NAV3: variants seen among roughly 807,000 people sequenced by gnomAD.
NAV3 encodes the protein pore membrane and/or filament interacting like protein 1.
Under a neutral mutation model 244.7 loss-of-function variants are expected in NAV3, and 87 were observed. The observed-to-expected ratio is 0.36, with a 90% CI of 0.30 to 0.42. The LOEUF is 0.42. NAV3 is among the 20% of genes least tolerant of loss of function. The probability of loss-of-function intolerance (pLI) is 1.00; values close to 1 mark genes in which losing one functional copy is unlikely to be tolerated. For synonymous variants in NAV3, 1,126 were observed against 1,042.2 expected (o/e 1.08, Z -1.55); for missense variants, 2,663 against 2,893.3 (o/e 0.92, Z 1.83).
chr12:78,116,743 T>G (rs1424803294), intron 12 of NAV3, 29 bp from the exon 13 acceptor site: 1 of 1,545,400 alleles, frequency 6.5e-7, no homozygotes, highest in African/African-American at 1.4e-5. Context: ...CTGTGTTTGA[T>G]TCACTGCTCT....
chr12:77,740,369 C>T (rs1426466696), intron 2 of NAV3, among the ~76,000 whole-genome samples: 1 of 151,396 alleles, frequency 6.6e-6, no homozygotes, highest in African/African-American at 2.4e-5. Context: ...TGATATGCAA[C>T]AGAGAAAAGG....
chr12:78,139,686 C>T (rs190787007), intron 19 of NAV3, among the ~76,000 whole-genome samples: 8 of 151,842 alleles, frequency 5.3e-5, no homozygotes, highest in Admixed American at 2.6e-4. Flanking sequence ...AAAGCCAGTG[C>T]GACATTTCCA....
chr12:78,004,156 ATCTT>A (rs963276625), intron 7 of NAV3, among the ~76,000 whole-genome samples: 3 of 152,214 alleles, frequency 2.0e-5, no homozygotes, highest in Non-Finnish European at 4.4e-5. Context: ...AAAACAAATT[ATCTT>A]TCTAAGTTTT....
At chr12:78,080,911 A>T (rs1953312608) in intron 12 of NAV3, among the ~76,000 whole-genome samples, 1 of 152,220 alleles carries the variant, frequency 6.6e-6, no homozygotes, top group Non-Finnish European at 1.5e-5. Context: ...GCATTTGATA[A>T]TAACAAGTAG....
intron 2 of NAV3, among the ~76,000 whole-genome samples, chr12:77,712,973 C>A (rs1234523840): frequency 6.6e-6 from 1 of 152,140 alleles, no homozygotes; most frequent in Non-Finnish European, 1.5e-5. Flanking sequence ...ATGACTGCAG[C>A]ACTCACAGCC....
intron 12 of NAV3, among the ~76,000 whole-genome samples, chr12:78,089,813 A>G (rs1046044984): frequency 2.6e-5 from 4 of 152,112 alleles, no homozygotes; most frequent in Non-Finnish European, 5.9e-5. Context: ...TGTCATCCCA[A>G]AGGATCCAAT....
At chr12:78,159,322 G>A (rs1310535845) in intron 23 of NAV3, 36 bp downstream of exon 23, 2 of 1,534,240 alleles carry the variant, frequency 1.3e-6, no homozygotes, top group South Asian at 2.2e-5. Flanking sequence ...ACTGAAAGAA[G>A]ACAGCAAATT....
At chr12:78,119,203 A>G in intron 14 of NAV3, 34 bp from the exon 15 acceptor site, 1 of 1,571,648 alleles carries the variant, frequency 6.4e-7, no homozygotes, top group Non-Finnish European at 8.6e-7. Context: ...CAAACTCTAC[A>G]GGCACATATA....
At chr12:78,179,432 G>A (rs1593929105) in intron 28 of NAV3, 97 bp from the exon 29 acceptor site, 2 of 1,443,802 alleles carry the variant, frequency 1.4e-6, no homozygotes, top group East Asian at 2.3e-5. Context: ...ATCTGTACCT[G>A]CTGGAGAATA....
At chr12:78,195,998 A>T (rs1959170086) in intron 34 of NAV3, among the ~76,000 whole-genome samples, 1 of 152,030 alleles carries the variant, frequency 6.6e-6, no homozygotes, top group Non-Finnish European at 1.5e-5. Context: ...ATCAGACTTC[A>T]CTATTTTTGT....
chr12:77,573,810 A>G (rs771549686), intron 2 of NAV3, among the ~76,000 whole-genome samples: 1 of 152,168 alleles, frequency 6.6e-6, no homozygotes, highest in Non-Finnish European at 1.5e-5. Context: ...CTTTTATGAC[A>G]AAAAAGATGA....
intron 5 of NAV3, among the ~76,000 whole-genome samples, chr12:77,977,072 A>G (rs1489947043): frequency 6.6e-6 from 1 of 152,162 alleles, no homozygotes; most frequent in Non-Finnish European, 1.5e-5. Context: ...TGTATATTGG[A>G]TCAAGGCAAT....
At chr12:78,094,876 G>A (rs185637385) in intron 12 of NAV3, among the ~76,000 whole-genome samples, 31 of 151,658 alleles carry the variant, frequency 2.0e-4, no homozygotes, top group Admixed American at 7.9e-4. Context: ...GTGAAACCCC[G>A]TCTCTACTAA....
chr12:77,870,399 G>T, intron 1 of NAV3, among the ~76,000 whole-genome samples: 1 of 150,686 alleles, frequency 6.6e-6, no homozygotes. Context: ...TCTAATAATT[G>T]CTACATCTCT....
intron 2 of NAV3, among the ~76,000 whole-genome samples, chr12:77,817,099 G>T (rs1475104684): frequency 1.3e-5 from 2 of 152,062 alleles, no homozygotes; most frequent in Admixed American, 6.6e-5. Flanking sequence ...TCTTCTGGTG[G>T]ATATCTGTTG....
intron 12 of NAV3, among the ~76,000 whole-genome samples, chr12:78,108,224 A>T (rs2138345320): frequency 6.6e-6 from 1 of 152,296 alleles, no homozygotes; most frequent in African/African-American, 2.4e-5. Flanking sequence ...GGATGTTATT[A>T]TATAATGATG....
intron 5 of NAV3, among the ~76,000 whole-genome samples, chr12:77,984,041 A>G (rs892164702): frequency 2.0e-5 from 3 of 152,200 alleles, no homozygotes; most frequent in Admixed American, 2.0e-4. Context: ...ATGTTTTGAA[A>G]GGCTCACCCT....
At chr12:77,960,004 A>G (rs1891741771) in intron 3 of NAV3, among the ~76,000 whole-genome samples, 1 of 149,048 alleles carries the variant, frequency 6.7e-6, no homozygotes. Flanking sequence ...AACTGATGCT[A>G]TGTCTAAATT....
chr12:77,914,562 C>T (rs747683714), intron 1 of NAV3, among the ~76,000 whole-genome samples: 1 of 152,064 alleles, frequency 6.6e-6, no homozygotes, highest in Non-Finnish European at 1.5e-5. Context: ...TGGTCAGAGG[C>T]ATGGACTAAA....
Sources: allele counts gnomAD v4.1 joint callset (sites outside exome capture counted in the v4.1 genomes callset), GRCh38; gene constraint gnomAD v4.1.1; transcripts MANE v1.5; gene names NCBI Gene and HGNC (gene_info 2026-07-23, HGNC 2026-07-21).